The following EPB41L4A variants were observed in gnomAD, a reference collection of about 807,000 sequenced individuals.
EPB41L4A encodes the protein erythrocyte membrane protein band 4.1 like 4A.
Under a neutral mutation model 108.6 loss-of-function variants are expected in EPB41L4A, and 100 were observed. The observed-to-expected ratio is 0.92, with a 90% confidence interval of 0.78 to 1.09. The LOEUF (loss-of-function observed/expected upper bound fraction) is 1.09, where lower values mean the gene tolerates loss of function less well. EPB41L4A is among the 50% of genes least tolerant of loss of function. The pLI is 0.00. For synonymous variants in EPB41L4A, 319 were observed against 289.0 expected, an observed-to-expected ratio of 1.10 and a Z score of -1.05; for missense variants, 1,030 against 842.7, an observed-to-expected ratio of 1.22 and a Z score of -2.75.
intron 1 of EPB41L4A, among the ~76,000 whole-genome samples, chr5:112,402,387 T>C (rs1282383511): frequency 6.6e-6 from 1 of 152,042 alleles, no homozygotes; most frequent in Non-Finnish European, 1.5e-5. Flanking sequence ...CTAATACAAC[T>C]GGTAAAACCA....
chr5:112,339,539 T>TAG (rs1757170309), intron 1 of EPB41L4A, among the ~76,000 whole-genome samples: 3 of 104,748 alleles, frequency 2.9e-5, no homozygotes, highest in Non-Finnish European at 3.8e-5. Flanking sequence ...TATATATATA[T>TAG]ATATTTTTTT....
chr5:112,401,614 T>C (rs1448067699), intron 1 of EPB41L4A, among the ~76,000 whole-genome samples: 1 of 152,222 alleles, frequency 6.6e-6, no homozygotes, highest in Non-Finnish European at 1.5e-5. Flanking sequence ...GTAAGTATTA[T>C]AAAAAATTAT....
rs189196601 is a variant in EPB41L4A at position 112,256,006 on chromosome 5, C to T, written c.795+3223G>A. On this transcript the variant is annotated intron_variant, in intron 9 of 22. Coordinates refer to ENST00000261486, the MANE Select transcript of EPB41L4A (RefSeq NM_022140.5). ...AGGACTCCTCTCTCTCATATCTGCC[C>T]ACATTCAGGAAACCCTGGTGGTAAA... Among the ~76,000 whole-genome samples, 147 of 152,236 alleles carry T rather than the reference C, an allele frequency of 9.7e-4. No homozygotes were observed. The Middle Eastern group carries it at 0.01, about 11-fold the overall frequency.
intron 1 of EPB41L4A, among the ~76,000 whole-genome samples, chr5:112,406,988 T>G (rs547885879): frequency 2.0e-5 from 3 of 152,100 alleles, no homozygotes; most frequent in Non-Finnish European, 4.4e-5. Context: ...TCTGCTGCAC[T>G]TTGGGTAGCA....
At position 112,194,594 on chromosome 5, in the gene EPB41L4A, AT is replaced by A; in HGVS notation, c.1475del (p.Asn492IlefsTer28). 6.2e-7 allele frequency: 1 copy of A among 1,603,862 alleles called. No homozygotes were observed. The highest frequency in any genetic ancestry group is 8.5e-7 in the Non-Finnish European group (1 of 1,173,834). On this transcript the variant is annotated frameshift_variant, in exon 17 of 23. Coordinates refer to ENST00000261486, the MANE Select transcript of EPB41L4A (RefSeq NM_022140.5). LOFTEE classifies it high-confidence loss of function. ...TSSGSESENS[N>X]REYRKKRNRI... ...TGTTTCTCTTTTTCCGGTATTCTCTATTAGAATTTTCTGATTCACTACCACT... is the reference window on the plus strand; with the variant it reads ...TGTTTCTCTTTTTCCGGTATTCTCTATAGAATTTTCTGATTCACTACCACT...
At chr5:112,186,622 C>T (rs1161184723) in intron 17 of EPB41L4A, among the ~76,000 whole-genome samples, 8 of 152,178 alleles carry the variant, frequency 5.3e-5, no homozygotes, top group Non-Finnish European at 5.9e-5. Context: ...AATATTCTAA[C>T]AAGATGCATT....
intron 9 of EPB41L4A, among the ~76,000 whole-genome samples, chr5:112,242,545 T>C (rs10037824): frequency 6.6e-6 from 1 of 152,048 alleles, no homozygotes; most frequent in African/African-American, 2.4e-5. Flanking sequence ...GTAGAAATCA[T>C]CTTCTTTCAA....
intron 1 of EPB41L4A, among the ~76,000 whole-genome samples, chr5:112,315,202 C>T (rs1755351902): frequency 6.6e-6 from 1 of 152,170 alleles, no homozygotes; most frequent in Non-Finnish European, 1.5e-5. Context: ...CTCTCAATCT[C>T]ATTATGACCT....
At chr5:112,240,692 A>G (rs773889050) in intron 10 of EPB41L4A, 27 bp downstream of exon 10, 4 of 1,343,618 alleles carry the variant, frequency 3.0e-6, no homozygotes, top group Non-Finnish European at 4.1e-6. Flanking sequence ...TATTAAGACA[A>G]CAAACAAAAT....
intron 1 of EPB41L4A, among the ~76,000 whole-genome samples, chr5:112,409,437 T>C (rs1195329750): frequency 6.6e-6 from 1 of 152,102 alleles, no homozygotes. Context: ...CGTAAATATA[T>C]GAACAACCAC....
Position 112,307,494 on chromosome 5 carries a change from C to A in EPB41L4A, c.100-4G>T, listed in dbSNP as rs749359417. On this transcript the variant is annotated splice_polypyrimidine_tract_variant and splice_region_variant and intron_variant, in intron 1 of 22. Coordinates refer to ENST00000261486, the MANE Select transcript of EPB41L4A (RefSeq NM_022140.5). ...CAACGGAACCTTTCGTTGACTTCTG[C>A]AAAAATAATTCAGTTTTATATTTTT... 1.9e-6 allele frequency: 3 copies of A among 1,602,488 alleles called. No homozygotes were observed. The South Asian group carries it at 3.3e-5, about 18-fold the overall frequency.
Position 112,203,685 on chromosome 5 carries a change from C to G in EPB41L4A, c.1376+690G>C, listed in dbSNP as rs17268557. On this transcript the variant is annotated intron_variant, in intron 15 of 22. Transcript: ENST00000261486. ...AAAAGGCGTTTTTCAGCTAAAAAGG[C>G]TTATCTTTAAGTGTAGTTTTGTCTT... Among the ~76,000 whole-genome samples, 875 of 152,246 alleles carry G rather than the reference C, an allele frequency of 5.7e-3. 3 individuals carry two copies. The highest frequency in any genetic ancestry group is 0.014 in the Middle Eastern group (4 of 294).
rs541140490 is a variant in EPB41L4A, at chr5:112,142,863, T to C, written n.2130A>G. 3.3e-5 allele frequency: 5 copies of C among 152,342 alleles called. No individual in the cohort carries two copies. In the East Asian group the frequency reaches 9.6e-4, roughly 29 times the overall value. The allele number at this position is 152,342 out of a possible 1,614,324, so 9.4% of individuals were successfully genotyped here. A position where few individuals can be genotyped will look rare whatever the true frequency, so the allele number is the denominator to read the frequency against. On this transcript the variant is annotated non_coding_transcript_exon_variant, in exon 14 of 14. Coordinates refer to the EPB41L4A transcript ENST00000507810. ...ACTCTCCTTGACTTTTCAGTTCCTC[T>C]CATTAAGAATAGAGACTATTTCCTC...
At chr5:112,365,243 G>A (rs996120876) in intron 1 of EPB41L4A, among the ~76,000 whole-genome samples, 1 of 152,118 alleles carries the variant, frequency 6.6e-6, no homozygotes, top group Non-Finnish European at 1.5e-5. Flanking sequence ...AGGCTGGAGT[G>A]CAGTGGCTAT....
intron 1 of EPB41L4A, among the ~76,000 whole-genome samples, chr5:112,335,280 G>C (rs1440743546): frequency 6.6e-6 from 1 of 152,170 alleles, no homozygotes; most frequent in Non-Finnish European, 1.5e-5. Flanking sequence ...GGGGATCAGT[G>C]TTAAGGACCC....
chr5:112,170,476 G>C, intron 19 of EPB41L4A, 107 bp from the exon 20 acceptor site: 3 of 735,724 alleles, frequency 4.1e-6, no homozygotes, highest in Non-Finnish European at 6.9e-6. Flanking sequence ...TCCCAAAACA[G>C]TGTTAGTAAA....
chr5:112,153,865 ATTAT>A (rs150396523), intron 12 of EPB41L4A, among the ~76,000 whole-genome samples: 2,255 of 151,392 alleles, frequency 0.015, 53 homozygotes, highest in African/African-American at 0.052. Context: ...TTTATTACTT[ATTAT>A]TTATTATTAA....
chr5:112,400,371 C>T (rs188645387), intron 1 of EPB41L4A, among the ~76,000 whole-genome samples: 7 of 152,024 alleles, frequency 4.6e-5, no homozygotes. Context: ...AGAGCCAAAC[C>T]ATATCACTGG....
At chr5:112,180,343 G>C (rs1761082738) in intron 18 of EPB41L4A, among the ~76,000 whole-genome samples, 1 of 152,118 alleles carries the variant, frequency 6.6e-6, no homozygotes, top group Non-Finnish European at 1.5e-5. Flanking sequence ...TTACTATAAA[G>C]CTACAGTAAC....
Sources: allele counts gnomAD v4.1 joint callset (sites outside exome capture counted in the v4.1 genomes callset), GRCh38; gene constraint gnomAD v4.1.1; transcripts MANE v1.5; gene names NCBI Gene and HGNC (gene_info 2026-07-23, HGNC 2026-07-21).